Variants in NPAS3 observed in about 807,000 individuals in gnomAD.
NPAS3 encodes neuronal PAS domain protein 3.
A neutral mutation model predicts 73.1 loss-of-function variants in NPAS3; 14 were observed. That is an observed-to-expected ratio of 0.19 (90% CI 0.13 to 0.30). The LOEUF (loss-of-function observed/expected upper bound fraction) is 0.30. Among genes scored for constraint, NPAS3 ranks in the 10% least tolerant of loss-of-function variants. The probability of loss-of-function intolerance (pLI) is 1.00; values close to 1 mark genes in which losing one functional copy is unlikely to be tolerated. For synonymous variants in NPAS3, 620 were observed against 541.5 expected, an observed-to-expected ratio of 1.14 and a Z score of -2.01; for missense variants, 1,096 against 1,250.0, an observed-to-expected ratio of 0.88 and a Z score of 1.86.
chr14:33,602,411 G>A (rs192069566), intron 5 of NPAS3, among the ~76,000 whole-genome samples: 1 of 152,314 alleles, frequency 6.6e-6, no homozygotes. Flanking sequence ...AGGAGTAGAA[G>A]TCTGAGTGCT....
intron 2 of NPAS3, among the ~76,000 whole-genome samples, chr14:33,073,276 A>G (rs1319589425): frequency 6.6e-6 from 1 of 152,228 alleles, no homozygotes; most frequent in African/African-American, 2.4e-5. Flanking sequence ...GCAATGAGGC[A>G]TATAATTTAT....
intron 3 of NPAS3, among the ~76,000 whole-genome samples, chr14:33,317,566 G>A (rs2043257471): frequency 6.6e-6 from 1 of 152,028 alleles, no homozygotes; most frequent in Non-Finnish European, 1.5e-5. Context: ...TGTGGAGGTG[G>A]TTACTTCCAT....
intron 6 of NPAS3, among the ~76,000 whole-genome samples, chr14:33,693,961 T>C (rs549275205): frequency 9.8e-5 from 15 of 152,296 alleles, no homozygotes; most frequent in African/African-American, 3.6e-4. Context: ...ACTTAAAGAA[T>C]TGAGCTGGGA....
intron 2 of NPAS3, among the ~76,000 whole-genome samples, chr14:33,197,342 T>C (rs1166817845): frequency 6.6e-6 from 1 of 151,468 alleles, no homozygotes; most frequent in Non-Finnish European, 1.5e-5. Flanking sequence ...GAGCCTCACA[T>C]AGGAATGTGT....
intron 2 of NPAS3, among the ~76,000 whole-genome samples, chr14:33,172,461 C>G (rs1317755989): frequency 6.6e-6 from 1 of 152,150 alleles, no homozygotes. Context: ...ATTGGCCAGA[C>G]CCGGTGGCTC....
At chr14:33,299,878 A>G (rs1033150713) in intron 3 of NPAS3, among the ~76,000 whole-genome samples, 2 of 152,224 alleles carry the variant, frequency 1.3e-5, no homozygotes, top group African/African-American at 4.8e-5. Context: ...CTGAATAGAA[A>G]GTGATTTTCT....
chr14:33,445,829 G>C (rs1364093620), intron 4 of NPAS3, among the ~76,000 whole-genome samples: 1 of 152,142 alleles, frequency 6.6e-6, no homozygotes, highest in African/African-American at 2.4e-5. Context: ...CATTGTTTAG[G>C]AGACAGTCAC....
At chr14:33,443,792 C>CT (rs2049359244) in intron 4 of NPAS3, among the ~76,000 whole-genome samples, 1 of 152,150 alleles carries the variant, frequency 6.6e-6, no homozygotes, top group South Asian at 2.1e-4. Flanking sequence ...GCCCAGCCTG[C>CT]TAGGTGGAAG....
chr14:33,592,279 A>G (rs1464221753), intron 5 of NPAS3, among the ~76,000 whole-genome samples: 1 of 152,224 alleles, frequency 6.6e-6, no homozygotes, highest in Non-Finnish European at 1.5e-5. Context: ...AAAATCATGT[A>G]TAGTCATCAA....
chr14:33,685,632 A>G (rs1203745209), intron 6 of NPAS3, among the ~76,000 whole-genome samples: 1 of 152,186 alleles, frequency 6.6e-6, no homozygotes, highest in Non-Finnish European at 1.5e-5. Context: ...TCACTAACTA[A>G]CTGAAATTCA....
chr14:33,689,594 A>T (rs1186307767), intron 6 of NPAS3, among the ~76,000 whole-genome samples: 1 of 152,166 alleles, frequency 6.6e-6, no homozygotes, highest in African/African-American at 2.4e-5. Context: ...ATGCTTCTGA[A>T]AAAACACAGA....
intron 2 of NPAS3, among the ~76,000 whole-genome samples, chr14:33,166,302 C>T (rs1005001715): frequency 9.2e-5 from 14 of 152,182 alleles, no homozygotes; most frequent in Non-Finnish European, 2.9e-5. Context: ...CGTTCCTGAC[C>T]CCAGCAGCAG....
At chr14:33,675,526 A>G (rs945279982) in intron 5 of NPAS3, among the ~76,000 whole-genome samples, 2 of 152,198 alleles carry the variant, frequency 1.3e-5, no homozygotes, top group Non-Finnish European at 2.9e-5. Context: ...TGTACTATGT[A>G]TCCTATTAGA....
intron 4 of NPAS3, among the ~76,000 whole-genome samples, chr14:33,367,512 C>T (rs2045897298): frequency 1.3e-5 from 2 of 152,056 alleles, no homozygotes; most frequent in South Asian, 4.1e-4. Flanking sequence ...ATGAATTGCA[C>T]TATTTAGTTC....
At chr14:33,384,399 T>TG (rs1566853751) in intron 4 of NPAS3, among the ~76,000 whole-genome samples, 3 of 148,400 alleles carry the variant, frequency 2.0e-5, no homozygotes, top group East Asian at 2.0e-4. Flanking sequence ...GTGTGTGTGT[T>TG]TTTAATGTTT....
intron 4 of NPAS3, among the ~76,000 whole-genome samples, chr14:33,392,941 G>A (rs1032628435): frequency 2.0e-5 from 3 of 152,070 alleles, no homozygotes; most frequent in Admixed American, 2.0e-4. Context: ...GATCTGCTGA[G>A]CAACTACAGG....
intron 2 of NPAS3, among the ~76,000 whole-genome samples, chr14:33,142,159 C>A (rs554307216): frequency 1.7e-5 from 2 of 120,946 alleles, no homozygotes; most frequent in Admixed American, 1.7e-4. Context: ...TACTTCTGCT[C>A]CTAATTTTTA....
intron 4 of NPAS3, among the ~76,000 whole-genome samples, chr14:33,425,680 G>A (rs8018319): frequency 0.075 from 11,382 of 151,822 alleles, 555 homozygotes; most frequent in African/African-American, 0.13. Context: ...CCTTTTATAC[G>A]GGAACAAAAT....
At chr14:33,624,469 G>C (rs866757300) in intron 5 of NPAS3, among the ~76,000 whole-genome samples, 1 of 151,944 alleles carries the variant, frequency 6.6e-6, no homozygotes, top group Middle Eastern at 3.4e-3. Flanking sequence ...ATTGAGTAAA[G>C]TTTTATAACT....
Sources: allele counts gnomAD v4.1 joint callset (sites outside exome capture counted in the v4.1 genomes callset), GRCh38; gene constraint gnomAD v4.1.1; transcripts MANE v1.5; gene names NCBI Gene and HGNC (gene_info 2026-07-23, HGNC 2026-07-21).